The following TBC1D30 variants were observed in gnomAD, a reference collection of about 807,000 sequenced individuals.
TBC1D30 encodes the protein TBC1 domain family member 30.
A neutral mutation model predicts 63.2 loss-of-function variants in TBC1D30; 31 were observed. The ratio of observed to expected loss-of-function variants is 0.49; its 90% CI spans 0.37 to 0.66. The LOEUF (loss-of-function observed/expected upper bound fraction) is 0.66. Among genes scored for constraint, TBC1D30 ranks in the 30% least tolerant of loss-of-function variants. TBC1D30 has a pLI of 0.00. For synonymous variants in TBC1D30, 307 were observed against 361.5 expected (o/e 0.85, Z 1.71); for missense variants, 810 against 953.6 (o/e 0.85, Z 1.98).
At chr12:64,839,026 G>C (rs1169648609) in intron 7 of TBC1D30, among the ~76,000 whole-genome samples, 175 bp downstream of exon 7, 1 of 152,188 alleles carries the variant, frequency 6.6e-6, no homozygotes, top group Non-Finnish European at 1.5e-5. Context: ...GTCTATTTTG[G>C]AGAAGGGGGC....
chr12:64,878,366 A>G lies in TBC1D30; in HGVS notation c.*2578A>G. Reference sequence around the variant, plus strand: ...CCCTATGTATTGGACACTGTATGCAAACACCAGAAGTACTTAACAAGTAGT... The same window carrying G: ...CCCTATGTATTGGACACTGTATGCAGACACCAGAAGTACTTAACAAGTAGT... On this transcript the variant is annotated 3_prime_UTR_variant, in exon 12 of 12. Coordinates refer to ENST00000539867, the MANE Select transcript of TBC1D30 (RefSeq NM_015279.2). The G allele has an allele frequency of 2.2e-6, 1 of 451,426 alleles. No individual in the cohort carries two copies. The highest frequency in any genetic ancestry group is 4.5e-6 in the Non-Finnish European group (1 of 224,248). 28.0% of individuals were successfully genotyped at this position (451,426 alleles called of 1,614,324 possible).
chr12:64,815,267 T>C (rs958758548), intron 2 of TBC1D30, among the ~76,000 whole-genome samples: 1 of 152,216 alleles, frequency 6.6e-6, no homozygotes, highest in Non-Finnish European at 1.5e-5. Context: ...CTCATGGGAG[T>C]TAACCTGCTT....
chr12:64,825,195 T>C (rs1874207737), intron 1 of TBC1D30, among the ~76,000 whole-genome samples, 162 bp downstream of exon 1: 1 of 152,210 alleles, frequency 6.6e-6, no homozygotes, highest in South Asian at 2.1e-4. Flanking sequence ...GCGATTGGTC[T>C]GGAAGGGTAG....
At chr12:64,845,260 T>C (rs1427188368) in intron 8 of TBC1D30, among the ~76,000 whole-genome samples, 2 of 152,202 alleles carry the variant, frequency 1.3e-5, no homozygotes, top group Non-Finnish European at 2.9e-5. Flanking sequence ...TTCCCTTTTC[T>C]CCACATCCTT....
intron 8 of TBC1D30, among the ~76,000 whole-genome samples, chr12:64,845,266 T>C (rs1876262138): frequency 6.6e-6 from 1 of 152,206 alleles, no homozygotes; most frequent in Non-Finnish European, 1.5e-5. Flanking sequence ...TTTCTCCACA[T>C]CCTTGCCAGC....
upstream of TBC1D30, among the ~76,000 whole-genome samples, chr12:64,776,823 C>A (rs1416716421): frequency 1.3e-5 from 2 of 152,116 alleles, no homozygotes. Flanking sequence ...AACTTCAGGC[C>A]AAGATCCTTG....
chr12:64,844,877 C>T (rs368613281), intron 8 of TBC1D30, among the ~76,000 whole-genome samples: 1 of 152,186 alleles, frequency 6.6e-6, no homozygotes, highest in Non-Finnish European at 1.5e-5. Flanking sequence ...TTTGTCTTTC[C>T]GTGCCTGGCT....
At chr12:64,811,389 C>T (rs1404224675) in intron 2 of TBC1D30, among the ~76,000 whole-genome samples, 1 of 152,222 alleles carries the variant, frequency 6.6e-6, no homozygotes, top group African/African-American at 2.4e-5. Context: ...AACATTTTCT[C>T]TCTATGGAGA....
At chr12:64,786,598 C>T (rs765769837) in intron 2 of TBC1D30, among the ~76,000 whole-genome samples, 1 of 152,140 alleles carries the variant, frequency 6.6e-6, no homozygotes, top group Non-Finnish European at 1.5e-5. Context: ...TTCTTGGCCT[C>T]CCAAAGTGCT....
intron 5 of TBC1D30, among the ~76,000 whole-genome samples, chr12:64,832,721 A>T (rs73325463): frequency 6.6e-6 from 1 of 152,142 alleles, no homozygotes; most frequent in African/African-American, 2.4e-5. Flanking sequence ...TGAAGGCTCA[A>T]TTGGGGGTGG....
At chr12:64,804,043 A>C (rs1872726578) in intron 2 of TBC1D30, among the ~76,000 whole-genome samples, 1 of 151,882 alleles carries the variant, frequency 6.6e-6, no homozygotes, top group African/African-American at 2.4e-5. Context: ...GAAGAAAGTC[A>C]TTGATGGGGA....
At chr12:64,852,209 T>C (rs1272654974) in intron 8 of TBC1D30, among the ~76,000 whole-genome samples, 1 of 152,158 alleles carries the variant, frequency 6.6e-6, no homozygotes, top group African/African-American at 2.4e-5. Context: ...AGAGGCTTTG[T>C]TTGTTCCTTT....
chr12:64,865,679 G>C (rs1370899931), intron 9 of TBC1D30, among the ~76,000 whole-genome samples: 1 of 152,088 alleles, frequency 6.6e-6, no homozygotes, highest in East Asian at 1.9e-4. Context: ...AACGTAGCAA[G>C]ACCCTGTCTC....
At chr12:64,870,296 A>G (rs1050768445) in intron 10 of TBC1D30, among the ~76,000 whole-genome samples, 8 of 152,334 alleles carry the variant, frequency 5.3e-5, no homozygotes, top group Middle Eastern at 3.4e-3. Context: ...ATCTTAGACA[A>G]TGGCAGTGAT....
chr12:64,850,266 C>G (rs141818911), intron 8 of TBC1D30, among the ~76,000 whole-genome samples: 2,153 of 152,234 alleles, frequency 0.014, 44 homozygotes, highest in African/African-American at 0.049. Context: ...CTGTTTATTT[C>G]TTTTTCTTGC....
intron 2 of TBC1D30, among the ~76,000 whole-genome samples, chr12:64,795,245 TCTC>T (rs1872181987): frequency 6.6e-6 from 1 of 152,118 alleles, no homozygotes; most frequent in African/African-American, 2.4e-5. Context: ...AGTCTTCTGA[TCTC>T]CTGCTCGAAG....
At chr12:64,853,293 A>G (rs1279673180) in intron 8 of TBC1D30, among the ~76,000 whole-genome samples, 1 of 152,150 alleles carries the variant, frequency 6.6e-6, no homozygotes, top group Admixed American at 6.6e-5. Flanking sequence ...ACACTGTGAG[A>G]GGAAAACCAC....
Position 64,832,250 on chromosome 12 carries a change from C to G in TBC1D30, c.540C>G (p.Ile180Met). 1.3e-6 allele frequency: 2 copies of G among 1,536,108 alleles called. No homozygotes were observed. Among genetic ancestry groups the G allele is most frequent in the Non-Finnish European group, 1.7e-6 (2 of 1,146,898 alleles). ...TTGGGTACTGCCAAGGCTTTAACATCCTGGCTGCACTAATTCTGGAAGTGA... is the reference window on the plus strand; with the variant it reads ...TTGGGTACTGCCAAGGCTTTAACATGCTGGCTGCACTAATTCTGGAAGTGA... ...KTVGYCQGFN[I>M]LAALILEVME... Residue 180 changes from isoleucine (I) to methionine (M), a missense_variant, in exon 5 of 12, where the codon ATC (isoleucine) becomes ATG (methionine). By Grantham distance (10) the Ile-to-Met change is conservative (BLOSUM62 1). Transcript: ENST00000539867.
chr12:64,838,661 G>GAA, intron 6 of TBC1D30, 22 bp from the exon 7 acceptor site: 1 of 1,536,060 alleles, frequency 6.5e-7, no homozygotes, highest in Non-Finnish European at 8.7e-7. Flanking sequence ...TGAAGGAATT[G>GAA]AATGTGTTTG....
Sources: gnomAD v4.1 joint callset for allele counts (sites outside exome capture counted in the v4.1 genomes callset) on GRCh38, gnomAD v4.1.1 for gene constraint, MANE v1.5 for transcripts, NCBI Gene and HGNC (gene_info 2026-07-23, HGNC 2026-07-21) for gene names.